CITED1: variants seen among roughly 807,000 people sequenced by gnomAD.
The protein encoded by CITED1 is cbp/p300-interacting transactivator 1.
Under a neutral mutation model 8.5 loss-of-function variants are expected in CITED1, and 3 were observed. That is an observed-to-expected ratio of 0.35 (90% CI 0.16 to 0.91). The LOEUF (loss-of-function observed/expected upper bound fraction) is 0.91. Ranked by LOEUF, CITED1 falls within the 40% of genes least tolerant of loss-of-function variation. The pLI is 0.46. For synonymous variants in CITED1, 54 were observed against 67.4 expected (o/e 0.80, Z 0.97); for missense variants, 113 against 154.8 (o/e 0.73, Z 1.43).
intron 1 of CITED1, among the ~76,000 whole-genome samples, chrX:72,304,308 TA>T (rs2043315709): frequency 9.1e-6 from 1 of 110,475 alleles, no homozygotes; most frequent in African/African-American, 3.3e-5. Flanking sequence ...TGGATGGGGG[TA>T]GGGGAGGGAA....
Position 72,301,774 on chromosome X carries a change from C to A in CITED1, c.531G>T (p.Trp177Cys), listed in dbSNP as rs769350049. ...LDRANELPEL[W>C]LGQNEFDFTA... The stretch of plus-strand genomic sequence containing the variant: ...TGAAGTCAAACTCATTCTGCCCCAG[C>A]CACAGCTCCGGAAGCTCATTGGCTC... Residue 177 changes from tryptophan (W) to cysteine (C), a missense_variant, in exon 3 of 3, where the codon TGG (tryptophan) becomes TGT (cysteine). By Grantham distance (215) the Trp-to-Cys change is radical. Transcript: ENST00000651998. 5 of 1,212,224 alleles carry A rather than the reference C, an allele frequency of 4.1e-6. No homozygotes were observed. The highest frequency in any genetic ancestry group is 5.6e-6 in the Non-Finnish European group (5 of 895,602).
At position 72,302,861 on chromosome X, in the gene CITED1, T is replaced by C; in HGVS notation, c.9A>G (p.Thr3=). MP[T]TSRPALDVKG... is the part of the protein sequence containing the mutation. ...TGACATCAAGTGCAGGCCTCGACGT[T>C]GTTGGCATTTCAGAGCCTTGGCAGA... The change falls in exon 2 of 3, where the codon ACA becomes ACG. Residue 3 remains threonine, a synonymous_variant. Coordinates refer to ENST00000651998, the MANE Select transcript of CITED1 (RefSeq NM_001144887.2). 8.3e-7 allele frequency: 1 copy of C among 1,211,646 alleles called. No homozygotes were observed.
Position 72,302,179 on chromosome X carries a change from C to A in CITED1, c.126G>T (p.Val42=). Residue 42 remains valine (V), a synonymous_variant, in exon 3 of 3, where the codon GTG becomes GTT. Coordinates refer to ENST00000651998, the MANE Select transcript of CITED1 (RefSeq NM_001144887.2). ...CTACCCCAGGGTAGTGCAGAATGGCCACTGCTTTGCGATCTTTCACCGCAA... is the reference window on the plus strand; with the variant it reads ...CTACCCCAGGGTAGTGCAGAATGGCAACTGCTTTGCGATCTTTCACCGCAA... ...SNLAVKDRKA[V]AILHYPGVAS... 1 of 1,204,047 alleles carries A rather than the reference C, an allele frequency of 8.3e-7. No individual in the cohort carries two copies. Among genetic ancestry groups the A allele is most frequent in the Non-Finnish European group, 1.1e-6 (1 of 891,434 alleles).
chrX:72,301,697 T>C lies in CITED1; in HGVS notation c.*26A>G, dbSNP rs1300243993. ...TTTACAACAGAATTGGTGGCTTTAT[T>C]CCTCCATCTTTAGGGACACTTGGCA... On this transcript the variant is annotated 3_prime_UTR_variant, in exon 3 of 3. Coordinates refer to ENST00000651998, the MANE Select transcript of CITED1 (RefSeq NM_001144887.2). 8.3e-6 allele frequency: 10 copies of C among 1,202,620 alleles called. No homozygotes were observed. Among genetic ancestry groups the C allele is most frequent in the Non-Finnish European group, 1.1e-5 (10 of 889,901 alleles).
intron 1 of CITED1, chrX:72,305,492 G>C (rs938373054): frequency 7.0e-6 from 3 of 428,663 alleles, no homozygotes; most frequent in African/African-American, 2.5e-5. Context: ...CCGCGGAACC[G>C]GGGGCGGCCG....
At position 72,301,866 on chromosome X, in the gene CITED1, T is replaced by C. The variant is rs148931900; in HGVS notation, c.439A>G (p.Ile147Val). ...SPSAGAQSPA[I>V]IDSDPVDEEV... ...TCATCCACTGGGTCCGAATCGATGATAGCAGGGCTCTGGGCACCAGCAGAA... is the reference window on the plus strand; with the variant it reads ...TCATCCACTGGGTCCGAATCGATGACAGCAGGGCTCTGGGCACCAGCAGAA... The change falls in exon 3 of 3, where the codon ATC becomes GTC. Residue 147 changes from isoleucine (I) to valine (V), a missense_variant. Ile to Val is a conservative substitution (Grantham distance 29). Coordinates refer to ENST00000651998, the MANE Select transcript of CITED1 (RefSeq NM_001144887.2). The C allele has an allele frequency of 4.0e-5, 49 of 1,210,523 alleles. No homozygotes were observed. Among genetic ancestry groups the C allele is most frequent in the African/African-American group, 3.0e-4 (17 of 57,304 alleles).
chrX:72,302,970 G>A, intron 1 of CITED1, 36 bp from the exon 2 acceptor site: 1 of 1,192,461 alleles, frequency 8.4e-7, no homozygotes, highest in Non-Finnish European at 1.1e-6. Flanking sequence ...AAGGGCAAAA[G>A]GCTTCACTGA....
At chrX:72,306,660 A>ACCGCG (rs1001796187), upstream of CITED1, 3 of 109,685 alleles carry the variant, frequency 2.7e-5, no homozygotes, top group Non-Finnish European at 5.7e-5. Context: ...AAAAGCCCGC[A>ACCGCG]CCGCGCCGCG....
Position 72,301,825 on chromosome X carries a change from C to G in CITED1, c.480G>C (p.Ser160=), listed in dbSNP as rs1280785896. The part of the protein sequence containing the change: ...SDPVDEEVLM[S]LVVELGLDRA... ...GGTCCAACCCCAGTTCCACCACCAGCGACATCAGCACTTCCTCATCCACTG... is the reference window on the plus strand; with the variant it reads ...GGTCCAACCCCAGTTCCACCACCAGGGACATCAGCACTTCCTCATCCACTG... Residue 160 remains serine (S), a synonymous_variant, in exon 3 of 3, where the codon TCG becomes TCC. Coordinates refer to ENST00000651998, the MANE Select transcript of CITED1 (RefSeq NM_001144887.2). 3.5e-5 allele frequency: 43 copies of G among 1,211,795 alleles called. No homozygotes were observed. Among genetic ancestry groups the G allele is most frequent in the Non-Finnish European group, 4.7e-5 (42 of 895,536 alleles).
At chrX:72,302,754 C>T (rs2043301420) in intron 2 of CITED1, 56 bp downstream of exon 2, 2 of 1,108,833 alleles carry the variant, frequency 1.8e-6, no homozygotes, top group Admixed American at 5.1e-5. Flanking sequence ...GGGCCTGGCC[C>T]ATGACCCCGG....
rs996601648 is a variant in CITED1 at position 72,302,048 on chromosome X, T to C, written c.257A>G (p.His86Arg). The C allele has an allele frequency of 7.5e-6, 9 of 1,196,426 alleles. No homozygotes were observed. The highest frequency in any genetic ancestry group is 9.0e-6 in the Non-Finnish European group (8 of 887,315). The part of the protein sequence containing the change: ...PPTKPPSFNL[H>R]PAPHLLASMH... ...ACTAGCCAGCAAGTGAGGGGCGGGG[T>C]GCAGGTTGAAGGATGGGGGTTTAGT... Residue 86 changes from histidine (H) to arginine (R), a missense_variant, in exon 3 of 3, where the codon CAC becomes CGC. Physicochemically the swap from His to Arg is conservative, Grantham distance 29 (BLOSUM62 0). Coordinates refer to ENST00000651998, the MANE Select transcript of CITED1 (RefSeq NM_001144887.2).
At chrX:72,303,562 C>T (rs1448027957) in intron 1 of CITED1, among the ~76,000 whole-genome samples, 1 of 112,060 alleles carries the variant, frequency 8.9e-6, no homozygotes, top group African/African-American at 3.2e-5. Context: ...CTCCATGTCT[C>T]AAGCCCCCTC....
intron 1 of CITED1, chrX:72,304,051 TA>T (rs374822119): frequency 0.025 from 9,180 of 369,986 alleles, no homozygotes; most frequent in Non-Finnish European, 0.029. Flanking sequence ...CCTATCTCTT[TA>T]AAAAAAAAAA....
rs756886958 is a variant in CITED1 at position 72,302,929 on chromosome X, G to A, written c.-60C>T. ...GGAAGTGATGCTGCCAGCTGGAGCT[G>A]TTGTGCTGCAAGTGAGGAAGAAGCA... On this transcript the variant is annotated 5_prime_UTR_variant, in exon 2 of 3. Transcript: ENST00000651998. 5.8e-6 allele frequency: 7 copies of A among 1,209,363 alleles called. No individual in the cohort carries two copies. The highest frequency in any genetic ancestry group is 3.0e-5 in the East Asian group (1 of 33,821).
At chrX:72,304,247 A>G (rs753043949) in intron 1 of CITED1, 1 of 129,241 alleles carries the variant, frequency 7.7e-6, no homozygotes, top group South Asian at 3.5e-4. Flanking sequence ...ACACTTCTAG[A>G]AAGTGGCCAC....
chrX:72,305,560 G>A (rs749116996), intron 1 of CITED1: 22 of 370,396 alleles, frequency 5.9e-5, no homozygotes, highest in Admixed American at 1.4e-4. Flanking sequence ...CTGAGCGTCC[G>A]TTCCCGCAAG....
intron 1 of CITED1, chrX:72,305,492 G>A: frequency 2.3e-6 from 1 of 429,832 alleles, no homozygotes; most frequent in East Asian, 4.2e-5. Flanking sequence ...CCGCGGAACC[G>A]GGGGCGGCCG....
chrX:72,304,670 A>T (rs923433436), intron 1 of CITED1, among the ~76,000 whole-genome samples: 2 of 111,893 alleles, frequency 1.8e-5, no homozygotes, highest in Non-Finnish European at 3.8e-5. Context: ...AAACCAAAAG[A>T]GAAACATTAG....
At chrX:72,305,023 C>T (rs954298688) in intron 1 of CITED1, among the ~76,000 whole-genome samples, 1 of 113,221 alleles carries the variant, frequency 8.8e-6, no homozygotes, top group Non-Finnish European at 1.9e-5. Context: ...ACGTCCCAGC[C>T]CGCTCTCCAA....
Sources: gnomAD v4.1 joint callset for allele counts (sites outside exome capture counted in the v4.1 genomes callset) on GRCh38, gnomAD v4.1.1 for gene constraint, MANE v1.5 for transcripts, NCBI Gene and HGNC (gene_info 2026-07-23, HGNC 2026-07-21) for gene names.